The following DLGAP1 variants were observed in gnomAD, a reference collection of about 807,000 sequenced individuals.
DLGAP1 encodes disks large-associated protein 1.
DLGAP1 carries 11 observed loss-of-function variants against 90.8 expected under a neutral mutation model. That is an observed-to-expected ratio of 0.12 (90% confidence interval 0.08 to 0.20). DLGAP1 has a LOEUF of 0.20. Among genes scored for constraint, DLGAP1 ranks in the 10% least tolerant of loss-of-function variants. DLGAP1 has a pLI of 1.00. For missense variants in DLGAP1, 1,050 were observed against 1,333.8 expected (o/e 0.79, Z 3.31); for synonymous variants, 558 against 540.7 (o/e 1.03, Z -0.44).
intron 1 of DLGAP1, among the ~76,000 whole-genome samples, chr18:4,242,249 C>T (rs2078552667): frequency 6.6e-6 from 1 of 152,074 alleles, no homozygotes; most frequent in African/African-American, 2.4e-5. Context: ...AAAGACTATT[C>T]TCCATATGAC....
intron 2 of DLGAP1, among the ~76,000 whole-genome samples, chr18:4,127,540 C>T (rs2076249889): frequency 6.6e-6 from 1 of 152,120 alleles, no homozygotes; most frequent in Admixed American, 6.6e-5. Context: ...CAATTGATTT[C>T]ACAAGGCAAA....
intron 1 of DLGAP1, among the ~76,000 whole-genome samples, chr18:4,377,111 A>G (rs1338084343): frequency 6.6e-6 from 1 of 152,116 alleles, no homozygotes; most frequent in Non-Finnish European, 1.5e-5. Flanking sequence ...CTCGGAAGTC[A>G]CTGTTATGCA....
intron 3 of DLGAP1, among the ~76,000 whole-genome samples, chr18:3,915,636 A>C (rs2072125868): frequency 6.6e-6 from 1 of 152,230 alleles, no homozygotes; most frequent in African/African-American, 2.4e-5. Flanking sequence ...CTTAAAAATA[A>C]TGATCACAAG....
chr18:3,609,768 A>G (rs562439742), intron 7 of DLGAP1, among the ~76,000 whole-genome samples: 3 of 151,562 alleles, frequency 2.0e-5, no homozygotes, highest in Non-Finnish European at 4.4e-5. Flanking sequence ...TATGAAAACC[A>G]TCTCGGAGGC....
intron 10 of DLGAP1, among the ~76,000 whole-genome samples, chr18:3,523,842 T>C (rs554444819): frequency 1.1e-4 from 14 of 132,650 alleles, no homozygotes; most frequent in Non-Finnish European, 1.9e-4. Flanking sequence ...AGCAAGACTC[T>C]GTCTCAAAAA....
rs1431697736 is a variant in DLGAP1, at chr18:3,508,981, G to GC, written c.2480-321dup. ...CCAAGAGAAGAGGCAAACAGTTGTT[G>GC]CTTTTTTTTTTTTTTAAACTTCCTT... is the stretch of plus-strand genomic sequence containing the variant. On this transcript the variant is annotated intron_variant, in intron 10 of 12. Coordinates refer to ENST00000315677, the MANE Select transcript of DLGAP1 (RefSeq NM_004746.4). 5.6e-5 allele frequency among the ~76,000 whole-genome samples: 8 copies of GC among 141,858 alleles called. No homozygotes were observed. In the East Asian group the frequency reaches 1.6e-3, roughly 28 times the overall value. 93.1% of individuals were successfully genotyped at this position (141,858 alleles called of 152,430 possible). A position where few individuals can be genotyped will look rare whatever the true frequency, so the allele number is the denominator to read the frequency against.
chr18:3,967,960 C>T (rs1351299710), intron 3 of DLGAP1, among the ~76,000 whole-genome samples: 1 of 152,016 alleles, frequency 6.6e-6, no homozygotes, highest in African/African-American at 2.4e-5. Context: ...TTCACATTCT[C>T]CTTGTGGCTG....
chr18:3,992,113 T>C (rs2073981441), intron 3 of DLGAP1, among the ~76,000 whole-genome samples: 1 of 152,190 alleles, frequency 6.6e-6, no homozygotes, highest in African/African-American at 2.4e-5. Flanking sequence ...TCCCTGTGCC[T>C]TGAAAATGTT....
At chr18:4,327,734 C>T (rs1255204750) in intron 1 of DLGAP1, among the ~76,000 whole-genome samples, 4 of 151,978 alleles carry the variant, frequency 2.6e-5, no homozygotes, top group Non-Finnish European at 4.4e-5. Flanking sequence ...CATTAGTATT[C>T]AATAGTGTCA....
At chr18:3,645,896 A>G (rs780176196) in intron 7 of DLGAP1, among the ~76,000 whole-genome samples, 4 of 152,222 alleles carry the variant, frequency 2.6e-5, no homozygotes, top group Non-Finnish European at 5.9e-5. Context: ...ATGAAGCAAT[A>G]GAGTATAATA....
intron 7 of DLGAP1, among the ~76,000 whole-genome samples, chr18:3,695,749 G>A (rs1269000645): frequency 6.6e-6 from 1 of 152,180 alleles, no homozygotes; most frequent in Non-Finnish European, 1.5e-5. Flanking sequence ...GAAAGTCAGT[G>A]GTGGCTTGAT....
At chr18:3,708,642 A>G (rs1482003530) in intron 7 of DLGAP1, 1 of 409,956 alleles carries the variant, frequency 2.4e-6, no homozygotes, top group South Asian at 1.7e-5. Context: ...ATTTTGGGGC[A>G]CACTCTACAA....
chr18:4,441,097 C>G (rs72866392), intron 1 of DLGAP1, among the ~76,000 whole-genome samples: 2 of 152,276 alleles, frequency 1.3e-5, no homozygotes, highest in East Asian at 3.9e-4. Context: ...CTTGTCTGAG[C>G]GGCACCAAAG....
chr18:4,373,135 A>T (rs891114351), intron 1 of DLGAP1, among the ~76,000 whole-genome samples: 1 of 152,072 alleles, frequency 6.6e-6, no homozygotes, highest in African/African-American at 2.4e-5. Flanking sequence ...AGTACATTTC[A>T]TCAAGAGAAA....
intron 5 of DLGAP1, among the ~76,000 whole-genome samples, chr18:3,769,812 T>C (rs12604870): frequency 0.13 from 19,750 of 151,858 alleles, 1,542 homozygotes; most frequent in African/African-American, 0.21. Context: ...CTTTGTGATA[T>C]TGTTCTACAG....
chr18:4,392,478 G>A (rs1013945963), intron 1 of DLGAP1, among the ~76,000 whole-genome samples: 1 of 152,084 alleles, frequency 6.6e-6, no homozygotes, highest in Non-Finnish European at 1.5e-5. Flanking sequence ...CCAAGTTTCA[G>A]ATGCTCCAAG....
At chr18:4,301,899 A>T (rs1409166430) in intron 1 of DLGAP1, among the ~76,000 whole-genome samples, 2 of 151,870 alleles carry the variant, frequency 1.3e-5, no homozygotes, top group African/African-American at 4.8e-5. Flanking sequence ...ATGAAATTGA[A>T]TTTTTTTTCA....
At chr18:3,814,361 ATT>A (rs372490602) in intron 4 of DLGAP1, 88 bp from the exon 5 acceptor site, 16,685 of 854,176 alleles carry the variant, frequency 0.02, 3 homozygotes, top group East Asian at 0.037. Context: ...TAACATTTCT[ATT>A]TTTTTTTTTT....
intron 1 of DLGAP1, among the ~76,000 whole-genome samples, chr18:4,420,420 G>C (rs1161886008): frequency 6.6e-6 from 1 of 152,028 alleles, no homozygotes; most frequent in Non-Finnish European, 1.5e-5. Context: ...AAATAGACTG[G>C]CTATATTCTG....
Sources: allele counts gnomAD v4.1 joint callset (sites outside exome capture counted in the v4.1 genomes callset), GRCh38; gene constraint gnomAD v4.1.1; transcripts MANE v1.5; gene names NCBI Gene and HGNC (gene_info 2026-07-23, HGNC 2026-07-21).